Variants in ODF2 observed in about 807,000 individuals in gnomAD.
ODF2 encodes outer dense fiber of sperm tails 2.
In ODF2, 47 loss-of-function variants were observed where a neutral mutation model predicts 110.2. The ratio of observed to expected loss-of-function variants is 0.43; its 90% CI spans 0.34 to 0.54. The LOEUF (loss-of-function observed/expected upper bound fraction) is 0.54, where lower values mean the gene tolerates loss of function less well. Among genes scored for constraint, ODF2 ranks in the 20% least tolerant of loss-of-function variants. The pLI, the probability that ODF2 is intolerant of heterozygous loss-of-function variation, is 0.03. For synonymous variants in ODF2, 352 were observed against 397.7 expected (o/e 0.89, Z 1.37); for missense variants, 812 against 1,054.5 (o/e 0.77, Z 3.19).
At chr9:128,471,238 T>G in intron 5 of ODF2, 70 bp from the exon 6 acceptor site, 1 of 1,476,450 alleles carries the variant, frequency 6.8e-7, no homozygotes, top group Non-Finnish European at 9.1e-7. Context: ...GTCCAAAGCA[T>G]TGAGCCTAGC....
chr9:128,488,270 C>G (rs973579647), intron 14 of ODF2, among the ~76,000 whole-genome samples: 3 of 151,858 alleles, frequency 2.0e-5, no homozygotes, highest in Admixed American at 6.6e-5. Context: ...GCAAAACATA[C>G]AAAAAGTAGC....
rs558466533 is a variant in ODF2, at chr9:128,494,001, G to C, written c.1753-509G>C. On this transcript the variant is annotated intron_variant, in intron 16 of 20. Coordinates refer to ENST00000604420, the Ensembl canonical transcript of ODF2. The surrounding 1 kb of genome is among the most constrained non-coding windows in gnomAD (Gnocchi z 4.6). The stretch of plus-strand genomic sequence containing the variant: ...GTAGAGACAGGGTTTCACCTTGTTG[G>C]CCAGGGTGGTGTCGAACTCCTGACC... Among the ~76,000 whole-genome samples the C allele has an allele frequency of 6.6e-6, 1 of 152,180 alleles. No homozygotes were observed. Among genetic ancestry groups the C allele is most frequent in the Non-Finnish European group, 1.5e-5 (1 of 68,014 alleles).
chr9:128,478,217 T>C (rs1339956655), intron 8 of ODF2, among the ~76,000 whole-genome samples: 1 of 152,172 alleles, frequency 6.6e-6, no homozygotes, highest in Non-Finnish European at 1.5e-5. Context: ...AGGCTGGTCT[T>C]GAACGCCTGA....
intron 20 of ODF2, among the ~76,000 whole-genome samples, chr9:128,499,598 C>CGTTTTGTTTTGTTTT (rs113483745): frequency 1.1e-3 from 172 of 151,712 alleles, no homozygotes; most frequent in African/African-American, 3.8e-3. Flanking sequence ...CCCAGACTCA[C>CGTTTTGTTTTGTTTT]GTTTTGTTTT....
chr9:128,456,293 G>A (rs1053110816), intron 1 of ODF2, 38 bp downstream of exon 1: 21 of 1,512,142 alleles, frequency 1.4e-5, no homozygotes, highest in Admixed American at 2.4e-5. Context: ...AGCGCCCTCC[G>A]GGGCACCGCG....
Position 128,485,434 on chromosome 9 carries a change from GA to G in ODF2, c.1364del (p.Lys455ArgfsTer11). On this transcript the variant is annotated frameshift_variant, in exon 13 of 21. Coordinates refer to ENST00000604420, the Ensembl canonical transcript of ODF2. LOFTEE classifies it high-confidence loss of function. The surrounding 1 kb of genome is among the most constrained non-coding windows in gnomAD (Gnocchi z 5.0). Reference sequence around the variant, plus strand: ...GAGCCGCTACAACCAAGTTGTAAAAGAAAAGGGAGACCTTGAGCTGGAAATT... The same window carrying G: ...GAGCCGCTACAACCAAGTTGTAAAAGAAAGGGAGACCTTGAGCTGGAAATT... The G allele has an allele frequency of 6.2e-7, 1 of 1,608,784 alleles. No individual in the cohort carries two copies.
chr9:128,487,805 ACACAC>A lies in ODF2; in HGVS notation c.1401-84_1401-80del, dbSNP rs777780329. On this transcript the variant is annotated intron_variant, in intron 13 of 20. Coordinates refer to ENST00000604420, the Ensembl canonical transcript of ODF2. ...CCGTCTAAAAAAACAAACAAACAAA[ACACAC>A]ACACACACACACACACACACACACA... 5.2e-5 allele frequency: 74 copies of A among 1,432,886 alleles called. 1 individual carries two copies. The East Asian group carries it at 8.1e-4, about 16-fold the overall frequency. The allele number at this position is 1,432,886 out of a possible 1,614,324, so 88.8% of individuals were successfully genotyped here. A position where few individuals can be genotyped will look rare whatever the true frequency, so the allele number is the denominator to read the frequency against.
Position 128,473,591 on chromosome 9 carries a change from C to A in ODF2, c.712-19C>A. The A allele has an allele frequency of 6.2e-7, 1 of 1,612,660 alleles. No homozygotes were observed. The highest frequency in any genetic ancestry group is 8.5e-7 in the Non-Finnish European group (1 of 1,179,364). On this transcript the variant is annotated intron_variant, in intron 7 of 20. Coordinates refer to ENST00000604420, the Ensembl canonical transcript of ODF2. Reference sequence around the variant, plus strand: ...CCCTTCTCCCCCTGCATCTGTAAGACTGGCTACTTGTCTTCCAGGAGAAAC... The same window carrying A: ...CCCTTCTCCCCCTGCATCTGTAAGAATGGCTACTTGTCTTCCAGGAGAAAC...
intron 17 of ODF2, among the ~76,000 whole-genome samples, chr9:128,495,025 C>G (rs1378002368): frequency 6.6e-6 from 1 of 152,194 alleles, no homozygotes; most frequent in Non-Finnish European, 1.5e-5. Context: ...CTTTTTTTCT[C>G]TTGCTTTAGC....
chr9:128,496,229 T>C (rs1845539109), intron 18 of ODF2, 88 bp downstream of exon 18: 13 of 1,588,776 alleles, frequency 8.2e-6, no homozygotes, highest in Admixed American at 1.8e-5. Flanking sequence ...TGTGCGGAAG[T>C]GTTGAGGGAC....
At chr9:128,483,001 T>G in intron 10 of ODF2, 114 bp downstream of exon 10, 1 of 767,954 alleles carries the variant, frequency 1.3e-6, no homozygotes. Flanking sequence ...ATTTGAGTGA[T>G]TCTCCTGCCT....
Position 128,485,493 on chromosome 9 carries a change from G to A in ODF2, c.1400+19G>A. 1.4e-6 allele frequency: 2 copies of A among 1,387,688 alleles called. No individual in the cohort carries two copies. Among genetic ancestry groups the A allele is most frequent in the South Asian group, 1.2e-5 (1 of 85,254 alleles). The allele number at this position is 1,387,688 out of a possible 1,614,324, so 86.0% of individuals were successfully genotyped here. ...TGAATGAGTACGTCTTAGAGTAGGA[G>A]AGGGAATGTGGCGCTGTTGAGGGAC... On this transcript the variant is annotated intron_variant, in intron 13 of 20. Coordinates refer to ENST00000604420, the Ensembl canonical transcript of ODF2. The surrounding 1 kb of genome is among the most constrained non-coding windows in gnomAD (Gnocchi z 5.0).
chr9:128,474,714 GC>G (rs1197099217), intron 8 of ODF2, among the ~76,000 whole-genome samples: 1 of 151,608 alleles, frequency 6.6e-6, no homozygotes, highest in African/African-American at 2.4e-5. Flanking sequence ...TGTAATCCCA[GC>G]CTTTGGGAGG....
At chr9:128,500,347 C>T in exon 21 of ODF2, 1 of 1,337,658 alleles carries the variant, frequency 7.5e-7, no homozygotes, top group Non-Finnish European at 1.0e-6. Flanking sequence ...TTTTCCTCTC[C>T]CAGTGAAAAA....
At chr9:128,479,018 G>A (rs1841913641) in intron 8 of ODF2, among the ~76,000 whole-genome samples, 2 of 152,224 alleles carry the variant, frequency 1.3e-5, no homozygotes, top group Non-Finnish European at 2.9e-5. Flanking sequence ...TGGCAGAAGA[G>A]TTGGTCAGTG....
Position 128,485,849 on chromosome 9 carries a change from CTT to C in ODF2, c.1400+376_1400+377del, listed in dbSNP as rs1843267002. 2.0e-5 allele frequency among the ~76,000 whole-genome samples: 3 copies of C among 152,090 alleles called. 1 individual carries two copies. In the South Asian group the frequency reaches 6.2e-4, roughly 32 times the overall value. On this transcript the variant is annotated intron_variant, in intron 13 of 20. Coordinates refer to ENST00000604420, the Ensembl canonical transcript of ODF2. This position sits in a 1 kb window ranked among gnomAD's most constrained non-coding sequence, Gnocchi z 5.0. ...ATGGGGCAGATGGTGACCCGAGTGT[CTT>C]CTCTCTGTTGTCTGTCCAGGGACAG...
intron 14 of ODF2, among the ~76,000 whole-genome samples, chr9:128,491,804 A>G (rs955485769): frequency 2.6e-5 from 4 of 152,050 alleles, no homozygotes; most frequent in African/African-American, 7.2e-5. Flanking sequence ...AGCTATAGAT[A>G]TATAGCCATA....
rs1839090303 is a variant in ODF2 at position 128,469,193 on chromosome 9, A to T, written c.260A>T (p.His87Leu). Residue 87 changes from histidine to leucine, a missense_variant, in exon 5 of 21, where the codon CAT becomes CTT. By Grantham distance (99) the His-to-Leu change is moderately conservative (BLOSUM62 -3). Coordinates refer to ENST00000604420, the Ensembl canonical transcript of ODF2. ...CCTCCTCTACATCAGAATCCACCTC[A>T]TTGCCTGGAGATCACGCCACCATCT... is the stretch of plus-strand genomic sequence containing the variant. 3 of 1,613,824 alleles carry T rather than the reference A, an allele frequency of 1.9e-6. No homozygotes were observed. In the Admixed American group the frequency reaches 5.0e-5, roughly 27 times the overall value.
chr9:128,469,083 C>A, intron 4 of ODF2, 100 bp from the exon 5 acceptor site: 2 of 1,176,980 alleles, frequency 1.7e-6, no homozygotes, highest in Non-Finnish European at 1.2e-6. Context: ...TTAGCTGTTA[C>A]AGCTTTTCCC....
Sources: allele counts gnomAD v4.1 joint callset (sites outside exome capture counted in the v4.1 genomes callset), GRCh38; gene constraint gnomAD v4.1.1; non-coding constraint Gnocchi (gnomAD v3.1); transcripts MANE v1.5; gene names NCBI Gene and HGNC (gene_info 2026-07-23, HGNC 2026-07-21).